NSMCE2: variants seen among roughly 807,000 people sequenced by gnomAD.
The protein encoded by NSMCE2 is NSE2 SUMO ligase component of SMC5/6 complex.
A neutral mutation model predicts 23.8 loss-of-function variants in NSMCE2; 24 were observed. That is an observed-to-expected ratio of 1.01 (90% CI 0.73 to 1.42). The LOEUF is 1.42. NSMCE2 is among the 40% of genes most tolerant of loss of function. The pLI, the probability that NSMCE2 is intolerant of heterozygous loss-of-function variation, is 0.00. For missense variants in NSMCE2, 284 were observed against 296.5 expected, an observed-to-expected ratio of 0.96 and a Z score of 0.31; for synonymous variants, 92 against 94.1, an observed-to-expected ratio of 0.98 and a Z score of 0.13.
chr8:125,118,810 TTGTG>T (rs1372706683), intron 3 of NSMCE2, among the ~76,000 whole-genome samples: 1 of 152,180 alleles, frequency 6.6e-6, no homozygotes, highest in Non-Finnish European at 1.5e-5. Flanking sequence ...TCCTTTTCAG[TTGTG>T]TGGGTTAATC....
chr8:125,356,011 G>T (rs187100501), intron 5 of NSMCE2, among the ~76,000 whole-genome samples: 3 of 152,148 alleles, frequency 2.0e-5, no homozygotes, highest in Admixed American at 2.0e-4. Flanking sequence ...TGTCCATAAG[G>T]TCAAAACTGT....
intron 5 of NSMCE2, among the ~76,000 whole-genome samples, chr8:125,184,189 C>T (rs949186842): frequency 2.6e-5 from 4 of 152,062 alleles, no homozygotes; most frequent in Non-Finnish European, 5.9e-5. Context: ...GACAAATATT[C>T]AAAAATATAA....
chr8:125,136,113 T>C (rs1346608169), intron 3 of NSMCE2, among the ~76,000 whole-genome samples: 1 of 152,222 alleles, frequency 6.6e-6, no homozygotes, highest in African/African-American at 2.4e-5. Context: ...CATTTTTTAA[T>C]TTTTATTTTT....
chr8:125,105,447 G>A (rs7844453), intron 3 of NSMCE2, among the ~76,000 whole-genome samples: 14,861 of 152,072 alleles, frequency 0.098, 935 homozygotes, highest in African/African-American at 0.17. Context: ...AGATTCCTGG[G>A]AGTTTTAGCT....
chr8:125,183,168 C>T (rs1395473323), intron 5 of NSMCE2, among the ~76,000 whole-genome samples: 1 of 152,116 alleles, frequency 6.6e-6, no homozygotes, highest in Admixed American at 6.5e-5. Context: ...TACCTCGTGT[C>T]CTTATATGTG....
chr8:125,317,081 C>T (rs1829239523), intron 5 of NSMCE2, among the ~76,000 whole-genome samples: 1 of 151,878 alleles, frequency 6.6e-6, no homozygotes, highest in Admixed American at 6.6e-5. Flanking sequence ...CTCACCACTC[C>T]TGGCCTATTG....
At chr8:125,182,075 A>T in intron 4 of NSMCE2, 28 bp from the exon 5 acceptor site, 1 of 1,514,910 alleles carries the variant, frequency 6.6e-7, no homozygotes, top group South Asian at 1.2e-5. Context: ...TTAACATTTA[A>T]CTCAGGTAAT....
chr8:125,140,487 AC>A (rs1258219141), intron 3 of NSMCE2, among the ~76,000 whole-genome samples: 1 of 152,020 alleles, frequency 6.6e-6, no homozygotes. Flanking sequence ...ACATGGTGAA[AC>A]CCCATCTCTA....
chr8:125,196,486 A>G (rs1474015639), intron 5 of NSMCE2, among the ~76,000 whole-genome samples: 1 of 152,040 alleles, frequency 6.6e-6, no homozygotes, highest in African/African-American at 2.4e-5. Context: ...GTTTCCCAAG[A>G]ATGATGGTTT....
intron 4 of NSMCE2, among the ~76,000 whole-genome samples, chr8:125,176,072 A>G (rs1386886076): frequency 1.3e-5 from 2 of 152,232 alleles, no homozygotes; most frequent in African/African-American, 4.8e-5. Context: ...GGTTCTAATT[A>G]CATGTAGCTA....
intron 5 of NSMCE2, among the ~76,000 whole-genome samples, chr8:125,318,726 T>G (rs1016845446): frequency 3.3e-5 from 5 of 152,132 alleles, no homozygotes; most frequent in African/African-American, 1.2e-4. Context: ...GGCATTGACA[T>G]CAGGCATGGA....
At chr8:125,272,860 T>C (rs1230798856) in intron 5 of NSMCE2, among the ~76,000 whole-genome samples, 2 of 149,794 alleles carry the variant, frequency 1.3e-5, no homozygotes, top group African/African-American at 2.5e-5. Flanking sequence ...CACACACATA[T>C]ATATACACAC....
Position 125,300,163 on chromosome 8 carries a change from G to A in NSMCE2, c.419-57056G>A, listed in dbSNP as rs549761976. Among the ~76,000 whole-genome samples the A allele has an allele frequency of 3.3e-5, 5 of 150,982 alleles. No homozygotes were observed. In the East Asian group the frequency reaches 7.9e-4, roughly 24 times the overall value. The stretch of plus-strand genomic sequence containing the variant: ...CTGGAAGTGGGTCACTTCAAGGGCT[G>A]TGCCTCTTTTTTTTTTTTTATTTTG... On this transcript the variant is annotated intron_variant, in intron 5 of 7. Transcript: ENST00000287437.
intron 5 of NSMCE2, among the ~76,000 whole-genome samples, chr8:125,224,866 C>T (rs576713105): frequency 6.6e-6 from 1 of 152,208 alleles, no homozygotes; most frequent in Non-Finnish European, 1.5e-5. Flanking sequence ...GAGTCCATGC[C>T]CTTTACTATT....
At chr8:125,274,743 A>G (rs1046117535) in intron 5 of NSMCE2, among the ~76,000 whole-genome samples, 5 of 152,100 alleles carry the variant, frequency 3.3e-5, no homozygotes, top group African/African-American at 1.2e-4. Flanking sequence ...CAGCCTGGCC[A>G]ACATGACGAA....
Position 125,366,790 on chromosome 8 carries a change from C to T in NSMCE2, c.649C>T (p.His217Tyr). 6.2e-7 allele frequency: 1 copy of T among 1,611,140 alleles called. No homozygotes were observed. The highest frequency in any genetic ancestry group is 1.1e-5 in the South Asian group (1 of 90,976). ...KAYCPQIGCS[H>Y]TDIRKSDLIQ... ...CAGTTGCCCTCAAATTGGCTGTAGC[C>T]ACACGGATATAAGAAAGTCAGATCT... is the stretch of plus-strand genomic sequence containing the variant. The change falls in exon 8 of 8, where the codon CAC becomes TAC. Residue 217 changes from histidine (H) to tyrosine (Y), a missense_variant. His to Tyr is a moderately conservative substitution (Grantham distance 83). Around this residue, in one of 2 missense-constraint regions of NSMCE2, gnomAD observed 102 missense variants for 141.0 expected, o/e 0.72. Transcript: ENST00000287437.
intron 4 of NSMCE2, among the ~76,000 whole-genome samples, chr8:125,176,624 A>G (rs1310457199): frequency 1.3e-5 from 2 of 152,226 alleles, no homozygotes; most frequent in Non-Finnish European, 2.9e-5. Context: ...TAGATAGATA[A>G]TAATAGTAAC....
intron 3 of NSMCE2, among the ~76,000 whole-genome samples, chr8:125,135,357 G>T (rs1192480908): frequency 8.5e-5 from 13 of 152,138 alleles, no homozygotes; most frequent in Admixed American, 7.2e-4. Context: ...GGCTCAAACA[G>T]ATTCTTTTGA....
At chr8:125,236,365 CTATATA>C (rs35674231) in intron 5 of NSMCE2, among the ~76,000 whole-genome samples, 1 of 150,562 alleles carries the variant, frequency 6.6e-6, no homozygotes, top group Non-Finnish European at 1.5e-5. Context: ...AGTTGCAAAA[CTATATA>C]TATATATATC....
Sources: allele counts gnomAD v4.1 joint callset (sites outside exome capture counted in the v4.1 genomes callset), GRCh38; gene constraint gnomAD v4.1.1; regional missense constraint gnomAD v4.1.1; transcripts MANE v1.5; gene names NCBI Gene and HGNC (gene_info 2026-07-23, HGNC 2026-07-21).